Variants in KHDRBS2 observed in about 807,000 individuals in gnomAD.
KHDRBS2 encodes the protein KH RNA binding domain containing, signal transduction associated 2, also known as KH domain-containing, RNA-binding, signal transduction-associated protein 2.
KHDRBS2 carries 26 observed loss-of-function variants against 44.3 expected under a neutral mutation model. The observed-to-expected ratio is 0.59, with a 90% confidence interval of 0.43 to 0.81. KHDRBS2 has a LOEUF of 0.81. KHDRBS2 is among the 40% of genes least tolerant of loss of function. The pLI, the probability that KHDRBS2 is intolerant of heterozygous loss-of-function variation, is 0.00. For synonymous variants in KHDRBS2, 194 were observed against 151.1 expected (o/e 1.28, Z -2.08); for missense variants, 476 against 433.1 (o/e 1.10, Z -0.88).
At chr6:62,240,159 A>G (rs1834366207) in intron 1 of KHDRBS2, among the ~76,000 whole-genome samples, 1 of 152,096 alleles carries the variant, frequency 6.6e-6, no homozygotes, top group African/African-American at 2.4e-5. Flanking sequence ...TTGATACATT[A>G]TATTTTGGGT....
At chr6:61,818,059 C>G (rs1319893265) in intron 6 of KHDRBS2, among the ~76,000 whole-genome samples, 1 of 151,798 alleles carries the variant, frequency 6.6e-6, no homozygotes, top group Non-Finnish European at 1.5e-5. Flanking sequence ...GGGAAAAATC[C>G]CTAAAAGTGC....
At chr6:61,712,048 G>GT (rs1770592019) in intron 7 of KHDRBS2, among the ~76,000 whole-genome samples, 1 of 151,778 alleles carries the variant, frequency 6.6e-6, no homozygotes, top group African/African-American at 2.4e-5. Flanking sequence ...CTCCTCATGT[G>GT]TTCAATCTGA....
At chr6:62,182,560 A>G (rs1241306108) in intron 1 of KHDRBS2, among the ~76,000 whole-genome samples, 1 of 151,880 alleles carries the variant, frequency 6.6e-6, no homozygotes, top group African/African-American at 2.4e-5. Flanking sequence ...TCATAGGGGT[A>G]TACTTCTCTC....
At chr6:61,681,869 T>C (rs1257651298) in intron 8 of KHDRBS2, among the ~76,000 whole-genome samples, 1 of 151,866 alleles carries the variant, frequency 6.6e-6, no homozygotes, top group African/African-American at 2.4e-5. Context: ...ATGCAATTCT[T>C]CTTTAAAATA....
At chr6:62,183,939 G>T (rs1358699850) in intron 1 of KHDRBS2, among the ~76,000 whole-genome samples, 1 of 151,518 alleles carries the variant, frequency 6.6e-6, no homozygotes, top group Non-Finnish European at 1.5e-5. Flanking sequence ...ATTATAAATG[G>T]AACACGGACA....
chr6:61,998,256 G>T (rs1449529970), intron 3 of KHDRBS2, among the ~76,000 whole-genome samples: 1 of 152,082 alleles, frequency 6.6e-6, no homozygotes, highest in Non-Finnish European at 1.5e-5. Context: ...AGAGTGAGAA[G>T]AAATTGAATT....
intron 3 of KHDRBS2, among the ~76,000 whole-genome samples, chr6:62,039,411 G>C (rs1253024984): frequency 6.6e-6 from 1 of 151,030 alleles, no homozygotes; most frequent in African/African-American, 2.5e-5. Flanking sequence ...TGTATGTATG[G>C]AGAGAGAGAT....
At chr6:62,021,046 C>T (rs1782191578) in intron 3 of KHDRBS2, among the ~76,000 whole-genome samples, 11 of 151,862 alleles carry the variant, frequency 7.2e-5, no homozygotes, top group Admixed American at 7.2e-4. Flanking sequence ...ATATTATGCA[C>T]CCATGGAAAA....
At chr6:61,623,370 T>C in the KHDRBS2 span, among the ~76,000 whole-genome samples, 1 of 152,148 alleles carries the variant, frequency 6.6e-6, no homozygotes, top group South Asian at 2.1e-4. Flanking sequence ...ATGGTATTTA[T>C]AAGCCTTAGT....
intron 6 of KHDRBS2, among the ~76,000 whole-genome samples, chr6:61,889,766 T>C (rs1466968686): frequency 6.6e-6 from 1 of 152,188 alleles, no homozygotes; most frequent in East Asian, 1.9e-4. Flanking sequence ...GCACCATGAA[T>C]TGGCCTGTCC....
intron 2 of KHDRBS2, among the ~76,000 whole-genome samples, chr6:62,161,157 C>T (rs778118296): frequency 9.9e-5 from 15 of 151,838 alleles, no homozygotes; most frequent in Non-Finnish European, 1.9e-4. Flanking sequence ...TTTTCACCTT[C>T]GATCTACTTG....
At chr6:61,772,840 T>C (rs1197429628) in intron 6 of KHDRBS2, among the ~76,000 whole-genome samples, 1 of 152,082 alleles carries the variant, frequency 6.6e-6, no homozygotes, top group Non-Finnish European at 1.5e-5. Context: ...CCTTCCTGTG[T>C]CCATGTCTTC....
At chr6:62,013,500 T>TAATA (rs10679862) in intron 3 of KHDRBS2, among the ~76,000 whole-genome samples, 1 of 151,520 alleles carries the variant, frequency 6.6e-6, no homozygotes, top group Non-Finnish European at 1.5e-5. Context: ...TATTATTTGA[T>TAATA]TTTAGCAAAA....
chr6:62,126,618 T>A (rs1809030485), intron 2 of KHDRBS2, among the ~76,000 whole-genome samples: 1 of 152,096 alleles, frequency 6.6e-6, no homozygotes, highest in Non-Finnish European at 1.5e-5. Flanking sequence ...CCCTCAGCTC[T>A]AGGCAGCTCA....
At chr6:61,557,669 C>A in the KHDRBS2 span, among the ~76,000 whole-genome samples, 1 of 152,058 alleles carries the variant, frequency 6.6e-6, no homozygotes, top group African/African-American at 2.4e-5. Flanking sequence ...TGGAAGTATT[C>A]TCTTCTCTAT....
intron 4 of KHDRBS2, among the ~76,000 whole-genome samples, chr6:61,910,687 T>G (rs1172609867): frequency 6.6e-6 from 1 of 152,182 alleles, no homozygotes; most frequent in African/African-American, 2.4e-5. Context: ...ACATTGTGAA[T>G]GAGCAACAAA....
chr6:61,635,046 T>G, the KHDRBS2 span, among the ~76,000 whole-genome samples: 1 of 152,194 alleles, frequency 6.6e-6, no homozygotes, highest in East Asian at 1.9e-4. Flanking sequence ...ATTCCTGTGC[T>G]TGAGATGAAA....
chr6:62,003,111 C>T (rs556999411), intron 3 of KHDRBS2, among the ~76,000 whole-genome samples: 1 of 151,858 alleles, frequency 6.6e-6, no homozygotes, highest in Admixed American at 6.6e-5. Context: ...AACATACTTC[C>T]AATTCAGACA....
At chr6:61,594,246 A>AT in the KHDRBS2 span, among the ~76,000 whole-genome samples, 1 of 91,970 alleles carries the variant, frequency 1.1e-5, no homozygotes, top group Admixed American at 1.1e-4. Flanking sequence ...AACAGTTTAA[A>AT]CAAAAAAATA....
Sources: allele counts gnomAD v4.1 joint callset (sites outside exome capture counted in the v4.1 genomes callset), GRCh38; gene constraint gnomAD v4.1.1; transcripts MANE v1.5; gene names NCBI Gene and HGNC (gene_info 2026-07-23, HGNC 2026-07-21).